EXOSC7: variants seen among roughly 807,000 people sequenced by gnomAD.
EXOSC7 encodes exosome complex component RRP42.
Under a neutral mutation model 34.3 loss-of-function variants are expected in EXOSC7, and 25 were observed. The ratio of observed to expected loss-of-function variants is 0.73; its 90% CI spans 0.53 to 1.02. The LOEUF (loss-of-function observed/expected upper bound fraction) is 1.02. EXOSC7 is among the 50% of genes least tolerant of loss of function. EXOSC7 has a pLI of 0.00. For synonymous variants in EXOSC7, 130 were observed against 143.0 expected (o/e 0.91, Z 0.65); for missense variants, 370 against 368.5 (o/e 1.00, Z -0.03).
intron 6 of EXOSC7, among the ~76,000 whole-genome samples, chr3:45,006,917 G>T (rs1038494851): frequency 1.3e-5 from 2 of 151,890 alleles, no homozygotes; most frequent in Non-Finnish European, 2.9e-5. Flanking sequence ...TGGAGACAGG[G>T]TCTTGCCATG....
chr3:45,005,589 T>A (rs1195010810), intron 6 of EXOSC7, among the ~76,000 whole-genome samples, 175 bp downstream of exon 6: 1 of 152,210 alleles, frequency 6.6e-6, no homozygotes, highest in Non-Finnish European at 1.5e-5. Context: ...CACGAGTAGC[T>A]CTTTCTTTTC....
intron 3 of EXOSC7, among the ~76,000 whole-genome samples, chr3:44,990,293 AG>A (rs1553699065): frequency 8.7e-6 from 1 of 115,582 alleles, no homozygotes; most frequent in African/African-American, 3.3e-5. Flanking sequence ...GGAAATGAAT[AG>A]AGTGAGTACC....
chr3:44,998,629 A>G (rs1706793039), intron 4 of EXOSC7, among the ~76,000 whole-genome samples: 1 of 152,242 alleles, frequency 6.6e-6, no homozygotes, highest in Non-Finnish European at 1.5e-5. Flanking sequence ...GGAGTTTTCT[A>G]GATATTTTAA....
At chr3:44,990,378 G>A (rs1706535791) in intron 3 of EXOSC7, among the ~76,000 whole-genome samples, 1 of 152,176 alleles carries the variant, frequency 6.6e-6, no homozygotes, top group Non-Finnish European at 1.5e-5. Flanking sequence ...AGTTCAATAA[G>A]TATTATTAGC....
At chr3:44,989,745 TATC>T (rs1274543461) in intron 3 of EXOSC7, 101 bp downstream of exon 3, 15 of 861,616 alleles carry the variant, frequency 1.7e-5, no homozygotes, top group African/African-American at 1.4e-4. Flanking sequence ...CTTTTATACT[TATC>T]ATTCAGCCAT....
At chr3:44,995,597 T>A (rs1015556269) in intron 3 of EXOSC7, among the ~76,000 whole-genome samples, 1 of 152,204 alleles carries the variant, frequency 6.6e-6, no homozygotes, top group Non-Finnish European at 1.5e-5. Context: ...AAAAACCTGG[T>A]CCCTGTTGAC....
At chr3:45,001,629 C>T in intron 5 of EXOSC7, 21 bp downstream of exon 5, 8 of 1,560,212 alleles carry the variant, frequency 5.1e-6, no homozygotes, top group South Asian at 2.2e-5. Context: ...CTAGAAACAG[C>T]TCTGCGAACC....
At chr3:44,979,542 G>A (rs1368410737) in intron 1 of EXOSC7, among the ~76,000 whole-genome samples, 1 of 151,988 alleles carries the variant, frequency 6.6e-6, no homozygotes, top group Non-Finnish European at 1.5e-5. Flanking sequence ...AAACAGTATG[G>A]ATTACAAGGC....
chr3:45,005,378 T>G lies in EXOSC7; in HGVS notation c.579T>G (p.Ser193Arg). 6.2e-7 allele frequency: 1 copy of G among 1,614,176 alleles called. No homozygotes were observed. Among genetic ancestry groups the G allele is most frequent in the Non-Finnish European group, 8.5e-7 (1 of 1,180,014 alleles). Reference protein sequence around the residue: ...SDDPYDCIRLSVENVPCIVTL... With the variant: ...SDDPYDCIRLRVENVPCIVTL... ...ACCCTTATGACTGCATACGACTAAG[T>G]GTGGAGAATGTCCCCTGCATTGTCA... is the stretch of plus-strand genomic sequence containing the variant. Residue 193 changes from serine (S) to arginine (R), a missense_variant, in exon 6 of 8, where the codon AGT (serine) becomes AGG (arginine). This residue lies in a region of EXOSC7 where 255 missense variants were observed against 246.4 expected (regional missense o/e 1.03). Transcript: ENST00000265564.
At chr3:44,994,906 T>TGTGTGTGTG (rs1706679036) in intron 3 of EXOSC7, among the ~76,000 whole-genome samples, 1 of 143,608 alleles carries the variant, frequency 7.0e-6, no homozygotes, top group African/African-American at 2.6e-5. Flanking sequence ...TGTGTGTGTG[T>TGTGTGTGTG]TTTAAGCCAT....
chr3:45,000,895 A>T (rs1706856067), intron 4 of EXOSC7, among the ~76,000 whole-genome samples: 1 of 152,242 alleles, frequency 6.6e-6, no homozygotes, highest in East Asian at 1.9e-4. Context: ...TGCCTGTGAG[A>T]GGAGCCCACC....
chr3:45,011,365 G>A lies in EXOSC7; in HGVS notation c.*26G>A, dbSNP rs775065792. ...TTTGCACATCAACTGCTCAACTGTG[G>A]ATTGTTTTTTACTTTTCCTTTTAAA... On this transcript the variant is annotated 3_prime_UTR_variant, in exon 8 of 8. Coordinates refer to ENST00000265564, the MANE Select transcript of EXOSC7 (RefSeq NM_015004.4). 7.6e-6 allele frequency: 11 copies of A among 1,441,334 alleles called. No homozygotes were observed. The highest frequency in any genetic ancestry group is 1.1e-5 in the Non-Finnish European group (11 of 1,035,928). The allele number at this position is 1,441,334 out of a possible 1,614,324, so 89.3% of individuals were successfully genotyped here.
chr3:45,011,571 G>A (rs1697289161), downstream of EXOSC7: 7 of 346,168 alleles, frequency 2.0e-5, no homozygotes, highest in South Asian at 5.1e-4. Context: ...CAAATCCAGA[G>A]CTCTGCCACC....
intron 1 of EXOSC7, among the ~76,000 whole-genome samples, chr3:44,986,487 C>G (rs1706419737): frequency 6.6e-6 from 1 of 152,216 alleles, no homozygotes; most frequent in Admixed American, 6.5e-5. Context: ...TCCCTCCACA[C>G]CTCCCAGCAA....
At chr3:45,002,690 T>G (rs973382299) in intron 5 of EXOSC7, among the ~76,000 whole-genome samples, 5 of 152,200 alleles carry the variant, frequency 3.3e-5, no homozygotes, top group Admixed American at 6.5e-5. Flanking sequence ...CATTTACCTG[T>G]TTTTTAGAGC....
intron 1 of EXOSC7, among the ~76,000 whole-genome samples, chr3:44,988,757 T>C (rs1706488784): frequency 1.3e-5 from 2 of 152,196 alleles, no homozygotes; most frequent in South Asian, 4.1e-4. Flanking sequence ...TGACAACATA[T>C]ACTTCTTGGT....
chr3:45,010,242 A>G (rs1707166709), intron 7 of EXOSC7, among the ~76,000 whole-genome samples: 1 of 152,096 alleles, frequency 6.6e-6, no homozygotes, highest in Non-Finnish European at 1.5e-5. Flanking sequence ...ATATTTTTTT[A>G]TATTGGGGTG....
chr3:44,982,013 TTATCTC>T (rs1340302903), intron 1 of EXOSC7, among the ~76,000 whole-genome samples: 1 of 152,202 alleles, frequency 6.6e-6, no homozygotes, highest in African/African-American at 2.4e-5. Flanking sequence ...CTGTCTGTCT[TTATCTC>T]TAGTGACATC....
chr3:44,984,590 AGT>A (rs1330589319), intron 1 of EXOSC7, among the ~76,000 whole-genome samples: 1 of 152,202 alleles, frequency 6.6e-6, no homozygotes, highest in Non-Finnish European at 1.5e-5. Flanking sequence ...TTTAGAATGC[AGT>A]GGACTGTGTA....
Sources: allele counts gnomAD v4.1 joint callset (sites outside exome capture counted in the v4.1 genomes callset), GRCh38; gene constraint gnomAD v4.1.1; regional missense constraint gnomAD v4.1.1; transcripts MANE v1.5; gene names NCBI Gene and HGNC (gene_info 2026-07-23, HGNC 2026-07-21).